The following MYBL1 variants were observed in gnomAD, a reference collection of about 807,000 sequenced individuals.
The protein encoded by MYBL1 is myb-related protein A.
MYBL1 carries 17 observed loss-of-function variants against 96.3 expected under a neutral mutation model. That is an observed-to-expected ratio of 0.18 (90% confidence interval 0.12 to 0.26). MYBL1 has a LOEUF of 0.26. MYBL1 is among the 10% of genes least tolerant of loss of function. MYBL1 has a pLI of 1.00. For missense variants in MYBL1, 701 were observed against 882.9 expected (o/e 0.79, Z 2.61); for synonymous variants, 282 against 292.7 (o/e 0.96, Z 0.37).
intron 9 of MYBL1, among the ~76,000 whole-genome samples, chr8:66,576,631 A>C (rs1236090449): frequency 6.6e-6 from 1 of 152,010 alleles, no homozygotes. Flanking sequence ...ACAAATGATA[A>C]GTTATTATCA....
chr8:66,570,312 CT>C (rs761701052), intron 12 of MYBL1, among the ~76,000 whole-genome samples: 4,587 of 133,524 alleles, frequency 0.034, 157 homozygotes, highest in African/African-American at 0.094. Flanking sequence ...TTGTTTTTGT[CT>C]TTTTTTTTTT....
chr8:66,596,696 A>T (rs1278464423), intron 5 of MYBL1, among the ~76,000 whole-genome samples: 1 of 152,194 alleles, frequency 6.6e-6, no homozygotes, highest in East Asian at 1.9e-4. Flanking sequence ...GCAACAAAAG[A>T]CAAATGCGTA....
chr8:66,592,643 C>T (rs2129937128), intron 7 of MYBL1, 99 bp from the exon 8 acceptor site: 1 of 693,994 alleles, frequency 1.4e-6, no homozygotes, highest in Non-Finnish European at 2.3e-6. Flanking sequence ...ATGAAATATA[C>T]TTTTTCTAAT....
rs1230672634 is a variant in MYBL1 at position 66,574,825 on chromosome 8, C to T, written c.1470+1182G>A. 3.9e-5 allele frequency among the ~76,000 whole-genome samples: 6 copies of T among 152,074 alleles called. No homozygotes were observed. In the South Asian group the frequency reaches 6.2e-4, roughly 16 times the overall value. ...ATCCCAGCACTTTGGGAGGCCGAGG[C>T]GGGCAGATCACCTAAGGTTGGGAGT... On this transcript the variant is annotated intron_variant, in intron 10 of 15. Coordinates refer to ENST00000522677, the MANE Select transcript of MYBL1 (RefSeq NM_001080416.4).
At chr8:66,571,150 T>C (rs1305491142) in intron 12 of MYBL1, among the ~76,000 whole-genome samples, 1 of 152,214 alleles carries the variant, frequency 6.6e-6, no homozygotes, top group African/African-American at 2.4e-5. Context: ...AAAAATCGTA[T>C]TTCTAAAGAA....
chr8:66,612,800 C>A lies in MYBL1; in HGVS notation c.20+19G>T, dbSNP rs948683148. ...CCGAGACGGCGCCGACAGGCCTGGG[C>A]GAAAGGGGTGCCACCCACCTGCGCG... On this transcript the variant is annotated intron_variant, in intron 1 of 15. Transcript: ENST00000522677. 8 of 1,362,746 alleles carry A rather than the reference C, an allele frequency of 5.9e-6. No individual in the cohort carries two copies. The highest frequency in any genetic ancestry group is 5.7e-6 in the Non-Finnish European group (6 of 1,049,212). The allele number at this position is 1,362,746 out of a possible 1,614,324, so 84.4% of individuals were successfully genotyped here.
Position 66,601,710 on chromosome 8 carries a change from A to G in MYBL1, c.186T>C (p.Ala62=). Residue 62 remains alanine, a synonymous_variant, in exon 3 of 16, where the codon GCT becomes GCC. Transcript: ENST00000522677. ...ATATTTCACTTACTTGAAGATGACT[A>G]GCAATTAGAGTCCAATCATCAGTTC... The part of the protein sequence containing the change: ...QHGTDDWTLI[A]SHLQNRSDFQ... 6.6e-7 allele frequency: 1 copy of G among 1,511,574 alleles called. No individual in the cohort carries two copies. Among genetic ancestry groups the G allele is most frequent in the Non-Finnish European group, 9.0e-7 (1 of 1,113,838 alleles). 93.6% of individuals were successfully genotyped at this position (1,511,574 alleles called of 1,614,324 possible).
intron 12 of MYBL1, among the ~76,000 whole-genome samples, chr8:66,571,792 C>A (rs1171957957): frequency 1.3e-5 from 2 of 150,822 alleles, no homozygotes; most frequent in African/African-American, 4.9e-5. Flanking sequence ...GGGGGAGAAT[C>A]ACCTGAACCC....
At chr8:66,573,151 T>C (rs187849037) in intron 11 of MYBL1, among the ~76,000 whole-genome samples, 244 of 149,610 alleles carry the variant, frequency 1.6e-3, no homozygotes, top group African/African-American at 5.7e-3. Flanking sequence ...GAGGCAGAGG[T>C]TGCAGTGAGC....
At chr8:66,591,678 T>C (rs1809651462) in intron 8 of MYBL1, among the ~76,000 whole-genome samples, 1 of 152,152 alleles carries the variant, frequency 6.6e-6, no homozygotes, top group Non-Finnish European at 1.5e-5. Context: ...ATCTAGTAAA[T>C]AGGAAAAAAT....
At chr8:66,580,766 T>C (rs1377809007) in intron 8 of MYBL1, among the ~76,000 whole-genome samples, 2 of 152,188 alleles carry the variant, frequency 1.3e-5, no homozygotes, top group Non-Finnish European at 2.9e-5. Flanking sequence ...GTGAATTATA[T>C]ACTCTTTTGA....
chr8:66,604,161 GT>G, intron 1 of MYBL1, among the ~76,000 whole-genome samples: 1 of 152,238 alleles, frequency 6.6e-6, no homozygotes, highest in African/African-American at 2.4e-5. Context: ...AATTATAACA[GT>G]AACATTTCAA....
At chr8:66,612,002 G>A (rs1408641545) in intron 1 of MYBL1, 1 of 152,160 alleles carries the variant, frequency 6.6e-6, no homozygotes, top group African/African-American at 2.4e-5. Flanking sequence ...CATAATTTAT[G>A]AGTAGCTGCT....
intron 15 of MYBL1, 132 bp from the exon 16 acceptor site, chr8:66,564,957 A>G (rs1808446880): frequency 2.0e-6 from 1 of 495,512 alleles, no homozygotes; most frequent in Non-Finnish European, 3.2e-6. Flanking sequence ...TGTTTTAACA[A>G]TGGCACTGTA....
chr8:66,565,033 A>G (rs1808450160), intron 15 of MYBL1: 1 of 304,348 alleles, frequency 3.3e-6, no homozygotes, highest in Non-Finnish European at 5.9e-6. Context: ...TAAAAAGTCA[A>G]TTATTTTAGC....
intron 9 of MYBL1, among the ~76,000 whole-genome samples, chr8:66,579,511 G>T (rs987825038): frequency 1.3e-5 from 2 of 151,948 alleles, no homozygotes; most frequent in Admixed American, 1.3e-4. Context: ...ATAAAAATTA[G>T]CTGGGTGTGG....
chr8:66,609,717 GTATA>G (rs1282228841), intron 1 of MYBL1, among the ~76,000 whole-genome samples: 1 of 151,906 alleles, frequency 6.6e-6, no homozygotes, highest in African/African-American at 2.4e-5. Context: ...TCATTAGTAT[GTATA>G]TACTTTTAAA....
chr8:66,567,963 CT>C (rs1465381557), intron 12 of MYBL1, among the ~76,000 whole-genome samples: 1 of 149,072 alleles, frequency 6.7e-6, no homozygotes, highest in Non-Finnish European at 1.5e-5. Flanking sequence ...ATGAGAATTG[CT>C]TGAACCCAGG....
rs1359947827 is a variant in MYBL1 at position 66,564,093 on chromosome 8, CTCT to C, written c.*601_*603del. 6.6e-6 allele frequency: 1 copy of C among 152,234 alleles called. No homozygotes were observed. Among genetic ancestry groups the C allele is most frequent in the Non-Finnish European group, 1.5e-5 (1 of 67,860 alleles). 9.4% of individuals were successfully genotyped at this position (152,234 alleles called of 1,614,324 possible). A position where few individuals can be genotyped will look rare whatever the true frequency, so the allele number is the denominator to read the frequency against. ...ATACTATTTACTAATAAAGAAAAAA[CTCT>C]TTTTTGAATGCTTTTTGTTTTCAGT... On this transcript the variant is annotated 3_prime_UTR_variant, in exon 16 of 16. Transcript: ENST00000522677.
Sources: gnomAD v4.1 joint callset for allele counts (sites outside exome capture counted in the v4.1 genomes callset) on GRCh38, gnomAD v4.1.1 for gene constraint, MANE v1.5 for transcripts, NCBI Gene and HGNC (gene_info 2026-07-23, HGNC 2026-07-21) for gene names.